Variants in PACS2 observed in about 807,000 individuals in gnomAD.
PACS2 encodes phosphofurin acidic cluster sorting protein 2, also known as PACS1-like protein.
PACS2 carries 36 observed loss-of-function variants against 113.0 expected under a neutral mutation model. That is an observed-to-expected ratio of 0.32 (90% CI 0.24 to 0.42). The LOEUF (loss-of-function observed/expected upper bound fraction) is 0.42. Among genes scored for constraint, PACS2 ranks in the 10% least tolerant of loss-of-function variants. PACS2 has a pLI of 1.00. For synonymous variants in PACS2, 589 were observed against 536.1 expected (o/e 1.10, Z -1.36); for missense variants, 1,015 against 1,239.5 (o/e 0.82, Z 2.72).
At position 105,392,699 on chromosome 14, in the gene PACS2, C is replaced by T. The variant is rs2081399929; in HGVS notation, c.2336C>T (p.Ala779Val). 6.2e-7 allele frequency: 1 copy of T among 1,612,756 alleles called. No individual in the cohort carries two copies. Among genetic ancestry groups the T allele is most frequent in the Non-Finnish European group, 8.5e-7 (1 of 1,179,958 alleles). Residue 779 changes from alanine to valine, a missense_variant, in exon 23 of 25, where the codon GCC becomes GTC. By Grantham distance (64) the Ala-to-Val change is moderately conservative. This residue lies in a region of PACS2 where 859 missense variants were observed against 1,056.8 expected (regional missense o/e 0.81). Transcript: ENST00000447393. ...CAGCCTGCGGACAGGAAGAGGGACGCCGAGAAGAAGGACCTGCCTGTCACC... is the reference window on the plus strand; with the variant it reads ...CAGCCTGCGGACAGGAAGAGGGACGTCGAGAAGAAGGACCTGCCTGTCACC... ...AAQPADRKRD[A>V]EKKDLPVTKN...
intron 16 of PACS2, 44 bp downstream of exon 16, chr14:105,383,557 G>C: frequency 6.5e-7 from 1 of 1,536,352 alleles, no homozygotes; most frequent in East Asian, 2.3e-5. Context: ...CAGATGCCAC[G>C]GGCAGTGTGG....
upstream of PACS2, among the ~76,000 whole-genome samples, chr14:105,309,841 A>G (rs1471132503): frequency 7.5e-6 from 1 of 133,230 alleles, no homozygotes; most frequent in Non-Finnish European, 1.5e-5. The surrounding 1 kb of genome is among the most constrained non-coding windows in gnomAD (Gnocchi z 4.0). Flanking sequence ...GCAGGAGTGC[A>G]GTGGCACAAT....
intron 1 of PACS2, among the ~76,000 whole-genome samples, chr14:105,341,125 G>A (rs1172427926): frequency 6.6e-6 from 1 of 152,256 alleles, no homozygotes; most frequent in African/African-American, 2.4e-5. Flanking sequence ...CGTTTCTGTG[G>A]TCAGGCCCCT....
chr14:105,301,447 G>A (rs1056473085), intron 1 of PACS2, among the ~76,000 whole-genome samples: 8 of 151,128 alleles, frequency 5.3e-5, no homozygotes, highest in Non-Finnish European at 8.9e-5. Flanking sequence ...GGCCGAGCGT[G>A]GTGGGCGGGG....
rs373717381 is a variant in PACS2 at position 105,335,712 on chromosome 14, G to A, written c.120-12781G>A. 5.9e-5 allele frequency among the ~76,000 whole-genome samples: 9 copies of A among 152,354 alleles called. No homozygotes were observed. The South Asian group carries it at 1.9e-3, about 32-fold the overall frequency. Reference sequence around the variant, plus strand: ...CTTGGCCCTGACCACTGGCCAACGAGGACACTGAGAAGGCACCCTGACCTT... The same window carrying A: ...CTTGGCCCTGACCACTGGCCAACGAAGACACTGAGAAGGCACCCTGACCTT... On this transcript the variant is annotated intron_variant, in intron 1 of 24. Transcript: ENST00000447393.
At chr14:105,343,254 A>C (rs2059802082) in intron 1 of PACS2, among the ~76,000 whole-genome samples, 1 of 152,150 alleles carries the variant, frequency 6.6e-6, no homozygotes, top group Non-Finnish European at 1.5e-5. Context: ...ATAGTACCAA[A>C]ATGTCCTTGT....
chr14:105,390,320 G>T, intron 20 of PACS2: 1 of 410,456 alleles, frequency 2.4e-6, no homozygotes, highest in African/African-American at 2.0e-5. Context: ...GAGACTGCCT[G>T]CCCGGGTTGG....
chr14:105,318,010 C>T (rs587677705), intron 1 of PACS2, among the ~76,000 whole-genome samples: 19 of 152,322 alleles, frequency 1.2e-4, no homozygotes, highest in Admixed American at 1.1e-3. Context: ...CTCCTGGGTT[C>T]CCAGAGTGTC....
At position 105,392,693 on chromosome 14, in the gene PACS2, G is replaced by C; in HGVS notation, c.2330G>C (p.Arg777Thr). ...WTAAQPADRK[R>T]DAEKKDLPVT... Reference sequence around the variant, plus strand: ...GCAGCACAGCCTGCGGACAGGAAGAGGGACGCCGAGAAGAAGGACCTGCCT... The same window carrying C: ...GCAGCACAGCCTGCGGACAGGAAGACGGACGCCGAGAAGAAGGACCTGCCT... Residue 777 changes from arginine to threonine, a missense_variant, in exon 23 of 25, where the codon AGG (arginine) becomes ACG (threonine). By Grantham distance (71) the Arg-to-Thr change is moderately conservative. Transcript: ENST00000447393. 6.2e-7 allele frequency: 1 copy of C among 1,612,908 alleles called. No homozygotes were observed. The highest frequency in any genetic ancestry group is 8.5e-7 in the Non-Finnish European group (1 of 1,179,948).
At chr14:105,347,492 C>T (rs587664188) in intron 1 of PACS2, among the ~76,000 whole-genome samples, 2 of 152,280 alleles carry the variant, frequency 1.3e-5, no homozygotes, top group South Asian at 4.1e-4. Flanking sequence ...TACATTCATA[C>T]TTTGAGGGCC....
chr14:105,318,951 C>A, intron 1 of PACS2, among the ~76,000 whole-genome samples: 1 of 150,386 alleles, frequency 6.6e-6, no homozygotes, highest in South Asian at 2.1e-4. Context: ...TGAGCCACCA[C>A]GCCCTGCCTA....
chr14:105,387,541 A>G (rs1172288461), intron 19 of PACS2, among the ~76,000 whole-genome samples: 3 of 151,846 alleles, frequency 2.0e-5, no homozygotes, highest in Non-Finnish European at 4.4e-5. Context: ...CTCCACAGAC[A>G]TGTGTGTGCC....
At chr14:105,332,541 GTGACAGC>G (rs997811524) in intron 1 of PACS2, among the ~76,000 whole-genome samples, 5 of 152,250 alleles carry the variant, frequency 3.3e-5, no homozygotes, top group African/African-American at 1.2e-4. Flanking sequence ...CCCTGAGCCT[GTGACAGC>G]TGAGGGCACA....
chr14:105,302,339 G>C (rs766045419), intron 1 of PACS2, among the ~76,000 whole-genome samples: 9 of 148,852 alleles, frequency 6.0e-5, no homozygotes, highest in Non-Finnish European at 1.2e-4. Flanking sequence ...GAGTAGCTGG[G>C]ATTACAGGTA....
Position 105,358,575 on chromosome 14 carries a change from T to A in PACS2, c.423+3398T>A, listed in dbSNP as rs984032740. 6.6e-6 allele frequency among the ~76,000 whole-genome samples: 1 copy of A among 152,214 alleles called. No homozygotes were observed. The highest frequency in any genetic ancestry group is 1.5e-5 in the Non-Finnish European group (1 of 68,024). On this transcript the variant is annotated intron_variant, in intron 4 of 24. Transcript: ENST00000447393. The surrounding 1 kb of genome is among the most constrained non-coding windows in gnomAD (Gnocchi z 4.9). ...CAGGCATGCCAGCTGGTGGCCATTG[T>A]CTGAGGCTGGGGCCTGTGGGCTCCC...
At chr14:105,318,819 C>T (rs1419923250) in intron 1 of PACS2, among the ~76,000 whole-genome samples, 15 of 151,742 alleles carry the variant, frequency 9.9e-5, no homozygotes, top group South Asian at 4.2e-4. Flanking sequence ...CCACCACGCC[C>T]GGCTAATTTT....
intron 1 of PACS2, among the ~76,000 whole-genome samples, chr14:105,318,915 C>A (rs1293122743): frequency 6.6e-6 from 1 of 151,858 alleles, no homozygotes; most frequent in Non-Finnish European, 1.5e-5. Flanking sequence ...CCGCCTCAGC[C>A]TCCCAAAGTG....
intron 4 of PACS2, among the ~76,000 whole-genome samples, chr14:105,360,728 G>A (rs1472620569): frequency 6.6e-6 from 1 of 152,080 alleles, no homozygotes; most frequent in Non-Finnish European, 1.5e-5. Flanking sequence ...CTGCATACTT[G>A]ACTCTTCTTT....
At chr14:105,362,834 G>A (rs1340245102) in intron 4 of PACS2, among the ~76,000 whole-genome samples, 1 of 152,198 alleles carries the variant, frequency 6.6e-6, no homozygotes, top group African/African-American at 2.4e-5. Context: ...CTGGGCAACA[G>A]AGCGAAACTC....
Sources: allele counts gnomAD v4.1 joint callset (sites outside exome capture counted in the v4.1 genomes callset), GRCh38; gene constraint gnomAD v4.1.1; regional missense constraint gnomAD v4.1.1; non-coding constraint Gnocchi (gnomAD v3.1); transcripts MANE v1.5; gene names NCBI Gene and HGNC (gene_info 2026-07-23, HGNC 2026-07-21).